PLAC1: variants seen among roughly 807,000 people sequenced by gnomAD.
The protein encoded by PLAC1 is placenta associated 1, also known as placenta-specific protein 1.
For missense variants in PLAC1, 136 were observed against 163.2 expected (o/e 0.83, Z 0.91); for synonymous variants, 68 against 62.1 (o/e 1.09, Z -0.44).
rs191049565 is a variant in PLAC1 at position 134,727,764 on chromosome X, C to A, written n.174+5671G>T. Among the ~76,000 whole-genome samples, 511 of 111,681 alleles carry A rather than the reference C, an allele frequency of 4.6e-3. 5 individuals carry two copies. The highest frequency in any genetic ancestry group is 7.2e-3 in the Non-Finnish European group (381 of 53,115). On this transcript the variant is annotated intron_variant and non_coding_transcript_variant, in intron 2 of 2. Transcript: ENST00000466797. Reference sequence around the variant, plus strand: ...TGTATGGGATCTGCAAAGAAATAGCCCATACAAAGGAAAAGAAAACAATCA... The same window carrying A: ...TGTATGGGATCTGCAAAGAAATAGCACATACAAAGGAAAAGAAAACAATCA...
chrX:134,691,020 ATG>A (rs2078538659), intron 2 of PLAC1, among the ~76,000 whole-genome samples: 1 of 58,166 alleles, frequency 1.7e-5, no homozygotes, highest in Non-Finnish European at 3.2e-5. Flanking sequence ...ATATATATAT[ATG>A]TATATATCAT....
intron 2 of PLAC1, among the ~76,000 whole-genome samples, chrX:134,716,734 C>T (rs542620732): frequency 1.8e-5 from 2 of 111,970 alleles, no homozygotes; most frequent in Non-Finnish European, 3.8e-5. Context: ...GAATTTGTGC[C>T]GATTAAATAC....
chrX:134,592,826 T>C lies in PLAC1; in HGVS notation c.-59+9225A>G, dbSNP rs773288463. On this transcript the variant is annotated intron_variant, in intron 2 of 2. Coordinates refer to ENST00000359237, the MANE Select transcript of PLAC1 (RefSeq NM_021796.4). ...GCAAGCTCCACACCTCCCAGGTTCA[T>C]GCCATTCTCCTGTCTCAGCCTCCAG... 3.7e-3 allele frequency among the ~76,000 whole-genome samples: 385 copies of C among 105,314 alleles called. 1 individual carries two copies. Among genetic ancestry groups the C allele is most frequent in the African/African-American group, 0.013 (370 of 28,695 alleles). The allele number at this position is 105,314 out of a possible 115,157, so 91.5% of individuals were successfully genotyped here. A position where few individuals can be genotyped will look rare whatever the true frequency, so the allele number is the denominator to read the frequency against.
chrX:134,723,995 A>AG (rs2078666422), intron 2 of PLAC1, among the ~76,000 whole-genome samples: 2 of 110,165 alleles, frequency 1.8e-5, no homozygotes. Flanking sequence ...ATGAAAAAAA[A>AG]AAACATAAAA....
chrX:134,762,821 CAAAAAAAAAAAAAAAAA>C (rs60721487), intron 1 of PLAC1, among the ~76,000 whole-genome samples: 2 of 14,823 alleles, frequency 1.3e-4, no homozygotes, highest in Non-Finnish European at 3.5e-4. Context: ...GGCTCTATCT[CAAAAAAAAAAAAAAAAA>C]AAAAAAAAAA....
At chrX:134,589,692 A>G (rs1352209329) in intron 2 of PLAC1, among the ~76,000 whole-genome samples, 2 of 98,504 alleles carry the variant, frequency 2.0e-5, no homozygotes, top group Non-Finnish European at 4.1e-5. Context: ...ACACCACTGC[A>G]CTCCAGCCTG....
chrX:134,677,499 G>A (rs938125863), intron 2 of PLAC1, among the ~76,000 whole-genome samples: 1 of 111,762 alleles, frequency 8.9e-6, no homozygotes, highest in African/African-American at 3.3e-5. Context: ...AGGCCTCCTG[G>A]AGGAGGTGAC....
intron 2 of PLAC1, among the ~76,000 whole-genome samples, chrX:134,583,051 G>C (rs1049364014): frequency 6.3e-5 from 7 of 111,703 alleles, no homozygotes; most frequent in Admixed American, 4.8e-4. Flanking sequence ...GACACCATGA[G>C]TGTAAAACTG....
At chrX:134,592,460 T>C (rs959488940) in intron 2 of PLAC1, among the ~76,000 whole-genome samples, 4 of 111,328 alleles carry the variant, frequency 3.6e-5, no homozygotes, top group African/African-American at 1.3e-4. Context: ...CAGTAGACTT[T>C]GAGTAAAGTA....
intron 2 of PLAC1, among the ~76,000 whole-genome samples, chrX:134,708,787 G>C (rs760432474): frequency 9.0e-6 from 1 of 111,206 alleles, no homozygotes; most frequent in South Asian, 3.8e-4. Context: ...ATCCGCCCAC[G>C]TCGGCCTCCC....
chrX:134,706,894 G>GA (rs1421784384), intron 2 of PLAC1, among the ~76,000 whole-genome samples: 1 of 111,839 alleles, frequency 8.9e-6, no homozygotes, highest in Admixed American at 9.5e-5. Context: ...AAAGTAGACT[G>GA]AAAAATATGT....
chrX:134,594,575 G>C (rs1326582623), intron 2 of PLAC1, among the ~76,000 whole-genome samples: 1 of 111,069 alleles, frequency 9.0e-6, no homozygotes, highest in Non-Finnish European at 1.9e-5. Flanking sequence ...AATAGTTATG[G>C]AGCTACTACC....
chrX:134,588,177 C>G (rs2078015112), intron 2 of PLAC1, among the ~76,000 whole-genome samples: 1 of 111,259 alleles, frequency 9.0e-6, no homozygotes, highest in Admixed American at 9.5e-5. Context: ...GATTAGCTTA[C>G]CCCCTCTTTA....
In PLAC1 at chrX:134,571,601, T is replaced by G. The variant is rs753508146; in HGVS notation, c.-58-4861A>C. Among the ~76,000 whole-genome samples the G allele has an allele frequency of 3.6e-5, 4 of 111,994 alleles. No homozygotes were observed. The Admixed American group carries it at 3.8e-4, about 11-fold the overall frequency. On this transcript the variant is annotated intron_variant, in intron 2 of 2. Coordinates refer to ENST00000359237, the MANE Select transcript of PLAC1 (RefSeq NM_021796.4). ...AGCTCTATTTCTTAATGTTTTATAA[T>G]GAAGAGATTGAATATTGGTCTAAGC...
intron 1 of PLAC1, among the ~76,000 whole-genome samples, chrX:134,653,786 A>G (rs2078375530): frequency 8.9e-6 from 1 of 112,010 alleles, no homozygotes; most frequent in African/African-American, 3.2e-5. Context: ...ATTCAAGTCC[A>G]TATCAGGAAT....
chrX:134,760,594 T>G (rs1044823765), intron 1 of PLAC1, among the ~76,000 whole-genome samples: 20 of 110,557 alleles, frequency 1.8e-4, no homozygotes, highest in South Asian at 3.8e-4. Flanking sequence ...AAGAAGCTCT[T>G]TGTGGACTAA....
upstream of PLAC1, among the ~76,000 whole-genome samples, chrX:134,659,936 T>C (rs779790248): frequency 4.5e-5 from 5 of 111,615 alleles, no homozygotes; most frequent in Non-Finnish European, 9.4e-5. Flanking sequence ...TGAATCTGTG[T>C]TTGTATCTAT....
chrX:134,704,967 TG>T (rs2078597785), intron 2 of PLAC1, among the ~76,000 whole-genome samples: 1 of 99,663 alleles, frequency 1.0e-5, no homozygotes, highest in Admixed American at 1.1e-4. Context: ...CACTCCAGCC[TG>T]GGCAACAAAG....
At chrX:134,588,294 A>AT (rs1556046965) in intron 2 of PLAC1, among the ~76,000 whole-genome samples, 26 of 44,245 alleles carry the variant, frequency 5.9e-4, no homozygotes, top group Admixed American at 3.6e-3. Context: ...TCTTTATTTT[A>AT]TTTATTTATT....
Sources: allele counts gnomAD v4.1 joint callset (sites outside exome capture counted in the v4.1 genomes callset), GRCh38; gene constraint gnomAD v4.1.1; transcripts MANE v1.5; gene names NCBI Gene and HGNC (gene_info 2026-07-23, HGNC 2026-07-21).